The following CTNNA3 variants were observed in gnomAD, a reference collection of about 807,000 sequenced individuals.
CTNNA3 encodes the protein catenin alpha-3.
Under a neutral mutation model 95.7 loss-of-function variants are expected in CTNNA3, and 76 were observed. The observed-to-expected ratio is 0.79, with a 90% CI of 0.66 to 0.96. The LOEUF (loss-of-function observed/expected upper bound fraction) is 0.96, where lower values mean the gene tolerates loss of function less well. Ranked by LOEUF, CTNNA3 falls within the 40% of genes least tolerant of loss-of-function variation. The pLI, the probability that CTNNA3 is intolerant of heterozygous loss-of-function variation, is 0.00. For missense variants in CTNNA3, 1,191 were observed against 1,089.8 expected, an observed-to-expected ratio of 1.09 and a Z score of -1.31; for synonymous variants, 431 against 374.4, an observed-to-expected ratio of 1.15 and a Z score of -1.74.
chr10:66,664,514 C>T (rs1846373261), intron 9 of CTNNA3, among the ~76,000 whole-genome samples: 1 of 151,982 alleles, frequency 6.6e-6, no homozygotes, highest in African/African-American at 2.4e-5. Context: ...ATGAAGCTAG[C>T]CTAGTAGTTG....
At chr10:67,638,199 G>T in intron 2 of CTNNA3, among the ~76,000 whole-genome samples, 1 of 152,114 alleles carries the variant, frequency 6.6e-6, no homozygotes, top group Non-Finnish European at 1.5e-5. Flanking sequence ...ACAAAAAAAG[G>T]CAGGGGTTGC....
chr10:67,151,634 A>G (rs967511279), intron 7 of CTNNA3, among the ~76,000 whole-genome samples: 1 of 152,176 alleles, frequency 6.6e-6, no homozygotes, highest in Admixed American at 6.5e-5. Flanking sequence ...GTGCTCCCCA[A>G]GGTTTCTGTA....
At chr10:66,429,960 A>G (rs1261727596) in intron 11 of CTNNA3, among the ~76,000 whole-genome samples, 2 of 148,150 alleles carry the variant, frequency 1.3e-5, no homozygotes, top group Non-Finnish European at 3.0e-5. Context: ...AGGAAGACAA[A>G]TTGTCCCTCT....
intron 15 of CTNNA3, among the ~76,000 whole-genome samples, chr10:66,043,846 C>T (rs2079760040): frequency 6.6e-6 from 1 of 152,116 alleles, no homozygotes; most frequent in Non-Finnish European, 1.5e-5. Flanking sequence ...AACTGACGCT[C>T]CTGAAATCTT....
At chr10:66,847,500 T>C (rs867343595) in intron 7 of CTNNA3, among the ~76,000 whole-genome samples, 2 of 152,176 alleles carry the variant, frequency 1.3e-5, no homozygotes, top group East Asian at 1.9e-4. Flanking sequence ...TGCATTTGAA[T>C]GGTAGTTTTG....
chr10:66,877,590 G>A (rs1275603147), intron 7 of CTNNA3, among the ~76,000 whole-genome samples: 1 of 152,104 alleles, frequency 6.6e-6, no homozygotes, highest in Non-Finnish European at 1.5e-5. Context: ...CTGTGAGATG[G>A]CCATTTACAT....
chr10:67,035,425 C>T (rs75771124), intron 7 of CTNNA3, among the ~76,000 whole-genome samples: 1,837 of 152,048 alleles, frequency 0.012, 48 homozygotes, highest in African/African-American at 0.042. Flanking sequence ...AGTTAAGTTC[C>T]TTTGAAGTTG....
At chr10:67,740,742 A>G (rs1184925086) in intron 1 of CTNNA3, among the ~76,000 whole-genome samples, 2 of 151,376 alleles carry the variant, frequency 1.3e-5, no homozygotes, top group Middle Eastern at 3.2e-3. Context: ...ATTGTGGAAG[A>G]CAGTGTGGCA....
chr10:66,063,211 TATAG>T (rs61697154), intron 15 of CTNNA3, among the ~76,000 whole-genome samples: 8,946 of 90,072 alleles, frequency 0.099, 340 homozygotes, highest in East Asian at 0.22. Context: ...TATATATATA[TATAG>T]ATATAGATAT....
At chr10:67,326,144 G>A (rs1269615116) in intron 5 of CTNNA3, among the ~76,000 whole-genome samples, 1 of 152,094 alleles carries the variant, frequency 6.6e-6, no homozygotes, top group Non-Finnish European at 1.5e-5. Flanking sequence ...TGGGTCTCTT[G>A]AAGACAGCAT....
chr10:67,113,042 T>C (rs1858992628), intron 7 of CTNNA3, among the ~76,000 whole-genome samples: 1 of 152,196 alleles, frequency 6.6e-6, no homozygotes, highest in Admixed American at 6.5e-5. Context: ...ACATTCGCTA[T>C]CATGGTGACC....
intron 10 of CTNNA3, among the ~76,000 whole-genome samples, chr10:66,549,291 C>T (rs911366785): frequency 2.0e-5 from 3 of 152,128 alleles, no homozygotes; most frequent in African/African-American, 7.2e-5. Flanking sequence ...CCACCACGCC[C>T]GGCCGCCTTT....
chr10:66,636,900 G>A (rs1225605887), intron 9 of CTNNA3, among the ~76,000 whole-genome samples: 2 of 152,150 alleles, frequency 1.3e-5, no homozygotes, highest in Non-Finnish European at 2.9e-5. Context: ...AAATGACAGT[G>A]TATACTATGC....
At chr10:65,972,533 T>C (rs926117059) in intron 16 of CTNNA3, among the ~76,000 whole-genome samples, 3 of 152,110 alleles carry the variant, frequency 2.0e-5, no homozygotes, top group African/African-American at 7.2e-5. Flanking sequence ...AGCATTTCTA[T>C]ACACCAATAA....
chr10:66,442,138 T>C (rs1006412869), intron 11 of CTNNA3, among the ~76,000 whole-genome samples: 2 of 152,198 alleles, frequency 1.3e-5, no homozygotes, highest in African/African-American at 4.8e-5. Context: ...CTAAAAAATA[T>C]AGTATAACTA....
At chr10:67,580,130 G>A (rs1842330501) in intron 3 of CTNNA3, among the ~76,000 whole-genome samples, 1 of 152,062 alleles carries the variant, frequency 6.6e-6, no homozygotes, top group East Asian at 1.9e-4. Flanking sequence ...GTCCTTGCCT[G>A]TGCCTATGTC....
chr10:66,833,272 G>T lies in CTNNA3; in HGVS notation c.1048-57748C>A, dbSNP rs1842784322. Among the ~76,000 whole-genome samples the T allele has an allele frequency of 1.3e-5, 2 of 152,102 alleles. 1 individual carries two copies. The highest frequency in any genetic ancestry group is 1.3e-4 in the Admixed American group (2 of 15,268). On this transcript the variant is annotated intron_variant, in intron 7 of 17. Coordinates refer to ENST00000433211, the MANE Select transcript of CTNNA3 (RefSeq NM_013266.4). ...GAGCTGCTGCTAGCCAGTCTGCCAGGAGGCTTAATGCATGAATCAAGACCT... is the reference window on the plus strand; with the variant it reads ...GAGCTGCTGCTAGCCAGTCTGCCAGTAGGCTTAATGCATGAATCAAGACCT...
At chr10:66,264,145 A>G (rs1390558298) in intron 13 of CTNNA3, among the ~76,000 whole-genome samples, 1 of 151,998 alleles carries the variant, frequency 6.6e-6, no homozygotes, top group East Asian at 1.9e-4. Flanking sequence ...TGGCTGATAT[A>G]ATATAACTAT....
chr10:66,222,734 G>GA (rs960908087), intron 13 of CTNNA3, among the ~76,000 whole-genome samples: 3 of 147,816 alleles, frequency 2.0e-5, no homozygotes, highest in Non-Finnish European at 4.5e-5. Flanking sequence ...GGGGGAGAGA[G>GA]AAAAAAATGA....
Sources: gnomAD v4.1 joint callset for allele counts (sites outside exome capture counted in the v4.1 genomes callset) on GRCh38, gnomAD v4.1.1 for gene constraint, MANE v1.5 for transcripts, NCBI Gene and HGNC (gene_info 2026-07-23, HGNC 2026-07-21) for gene names.